Variants in MEGF8 observed in about 807,000 individuals in gnomAD.
MEGF8 encodes the protein multiple EGF like domains 8.
Under a neutral mutation model 302.9 loss-of-function variants are expected in MEGF8, and 156 were observed. The observed-to-expected ratio is 0.52, with a 90% CI of 0.45 to 0.59. The LOEUF (loss-of-function observed/expected upper bound fraction) is 0.59. Ranked by LOEUF, MEGF8 falls within the 20% of genes least tolerant of loss-of-function variation. MEGF8 has a pLI of 0.00. For missense variants in MEGF8, 3,345 were observed against 3,964.5 expected, an observed-to-expected ratio of 0.84 and a Z score of 4.20; for synonymous variants, 1,621 against 1,660.5, an observed-to-expected ratio of 0.98 and a Z score of 0.58.
In MEGF8 at chr19:42,325,788, G is replaced by A. The variant is rs1458847018; in HGVS notation, c.-456G>A. On this transcript the variant is annotated 5_prime_UTR_variant, in exon 1 of 42. Transcript: ENST00000251268. ...CCCCCGGCTGGAGGAGTCTCTCCTG[G>A]ACCATCCGAACCTAGCCTGTCCCGG... 1 of 158,402 alleles carries A rather than the reference G, an allele frequency of 6.3e-6. No homozygotes were observed. The allele number at this position is 158,402 out of a possible 1,614,324, so 9.8% of individuals were successfully genotyped here.
Position 42,369,806 on chromosome 19 carries a change from C to A in MEGF8, c.6834+83C>A. Reference sequence around the variant, plus strand: ...CATCCCACGCTCAGGCGGCTCGCATCTCATCCTGAGCCCTGATAAGCCAGG... The same window carrying A: ...CATCCCACGCTCAGGCGGCTCGCATATCATCCTGAGCCCTGATAAGCCAGG... On this transcript the variant is annotated intron_variant, in intron 38 of 41. Coordinates refer to ENST00000251268, the MANE Select transcript of MEGF8 (RefSeq NM_001271938.2). This position sits in a 1 kb window ranked among gnomAD's most constrained non-coding sequence, Gnocchi z 5.7. 7.1e-7 allele frequency: 1 copy of A among 1,412,794 alleles called. No individual in the cohort carries two copies. Among genetic ancestry groups the A allele is most frequent in the Non-Finnish European group, 9.5e-7 (1 of 1,049,076 alleles). The allele number at this position is 1,412,794 out of a possible 1,614,324, so 87.5% of individuals were successfully genotyped here.
chr19:42,357,724 C>A lies in MEGF8; in HGVS notation c.5011+140C>A. The A allele has an allele frequency of 1.2e-6, 1 of 802,702 alleles. No individual in the cohort carries two copies. Among genetic ancestry groups the A allele is most frequent in the Non-Finnish European group, 1.9e-6 (1 of 518,794 alleles). 49.7% of individuals were successfully genotyped at this position (802,702 alleles called of 1,614,324 possible). A position where few individuals can be genotyped will look rare whatever the true frequency, so the allele number is the denominator to read the frequency against. On this transcript the variant is annotated intron_variant, in intron 28 of 41. Transcript: ENST00000251268. The surrounding 1 kb of genome is among the most constrained non-coding windows in gnomAD (Gnocchi z 5.2). Reference sequence around the variant, plus strand: ...CATCCCCATGCAGATTCTCAGGGCACCCTCTTGAATGTTCAGATTTTCTGA... The same window carrying A: ...CATCCCCATGCAGATTCTCAGGGCAACCTCTTGAATGTTCAGATTTTCTGA...
intron 1 of MEGF8, among the ~76,000 whole-genome samples, chr19:42,328,567 A>AGTGTGTGTGT (rs113567438): frequency 4.1e-5 from 6 of 146,612 alleles, no homozygotes; most frequent in Non-Finnish European, 9.0e-5. Flanking sequence ...CAGAATAGGA[A>AGTGTGTGTGT]GTGTGTGTGT....
Position 42,356,071 on chromosome 19 carries a change from G to T in MEGF8, c.4393-12G>T, listed in dbSNP as rs759077919. 6.3e-7 allele frequency: 1 copy of T among 1,589,138 alleles called. No individual in the cohort carries two copies. Among genetic ancestry groups the T allele is most frequent in the South Asian group, 1.1e-5 (1 of 87,794 alleles). Reference sequence around the variant, plus strand: ...TGATCAGGGCTCCCCTGAGTCCCTTGTCATCCCCCAGAGCCTGGGTGTGTG... The same window carrying T: ...TGATCAGGGCTCCCCTGAGTCCCTTTTCATCCCCCAGAGCCTGGGTGTGTG... On this transcript the variant is annotated splice_polypyrimidine_tract_variant and intron_variant, in intron 24 of 41. Transcript: ENST00000251268. This position sits in a 1 kb window ranked among gnomAD's most constrained non-coding sequence, Gnocchi z 5.2.
Position 42,362,563 on chromosome 19 carries a change from C to A in MEGF8, c.6024C>A (p.Gly2008=). The A allele has an allele frequency of 6.2e-7, 1 of 1,612,470 alleles. No homozygotes were observed. Residue 2008 remains glycine (G), a synonymous_variant, in exon 34 of 42, where the codon GGC becomes GGA. Transcript: ENST00000251268. ...AADCEQCTRE[G]KCMWTRQFKR... is the part of the protein sequence containing the mutation. ...ACTGCGAGCAGTGCACGCGGGAGGG[C>A]AAGTGCATGTGGACGCGGCAGTTCA... is the stretch of plus-strand genomic sequence containing the variant.
In MEGF8 at chr19:42,354,442, A is replaced by G. The variant is rs1034890919; in HGVS notation, c.4012-146A>G. 3.5e-5 allele frequency: 33 copies of G among 948,406 alleles called. 1 individual carries two copies. In the Admixed American group the frequency reaches 3.9e-4, roughly 11 times the overall value. 58.7% of individuals were successfully genotyped at this position (948,406 alleles called of 1,614,324 possible). On this transcript the variant is annotated intron_variant, in intron 22 of 41. Transcript: ENST00000251268. The surrounding 1 kb of genome is among the most constrained non-coding windows in gnomAD (Gnocchi z 4.3). ...GGAAGGGGAGTGGTGGCCTTATGCC[A>G]TAGTTTGACAGTCTCCCCTGGATGT... is the stretch of plus-strand genomic sequence containing the variant.
Position 42,344,797 on chromosome 19 carries a change from C to CT in MEGF8, c.2064dup (p.Gln689SerfsTer10). 6.2e-7 allele frequency: 1 copy of CT among 1,604,850 alleles called. No homozygotes were observed. Among genetic ancestry groups the CT allele is most frequent in the Non-Finnish European group, 8.5e-7 (1 of 1,174,796 alleles). On this transcript the variant is annotated frameshift_variant, in exon 12 of 42. Transcript: ENST00000251268. LOFTEE classifies it high-confidence loss of function. This position sits in a 1 kb window ranked among gnomAD's most constrained non-coding sequence, Gnocchi z 4.5. Reference sequence around the variant, plus strand: ...TCCTGCCTGGCCTGCACTTGCTCACCTTTCAGCAGCCGCCCAATACCTCCC... The same window carrying CT: ...TCCTGCCTGGCCTGCACTTGCTCACCTTTTCAGCAGCCGCCCAATACCTCCC...
rs367745503 is a variant in MEGF8 at position 42,367,437 on chromosome 19, C to T, written c.6274-1018C>T. ...CTGCGTAGCTGGGACTACAGGCGCC[C>T]GCCACCACGCCTGGCTAATTTTTTC... On this transcript the variant is annotated intron_variant, in intron 35 of 41. Transcript: ENST00000251268. 3.2e-4 allele frequency among the ~76,000 whole-genome samples: 49 copies of T among 152,174 alleles called. 1 individual carries two copies. The highest frequency in any genetic ancestry group is 1.1e-3 in the African/African-American group (47 of 41,510).
chr19:42,346,649 C>T (rs769099075), intron 12 of MEGF8, among the ~76,000 whole-genome samples: 9 of 150,314 alleles, frequency 6.0e-5, no homozygotes, highest in African/African-American at 9.8e-5. Flanking sequence ...TGCATTGCAG[C>T]CTGGGCAACA....
Position 42,344,521 on chromosome 19 carries a change from C to A in MEGF8, c.1869C>A (p.Ala623=). 2 of 1,599,890 alleles carry A rather than the reference C, an allele frequency of 1.3e-6. No homozygotes were observed. Among genetic ancestry groups the A allele is most frequent in the Non-Finnish European group, 8.5e-7 (1 of 1,179,318 alleles). The change falls in exon 11 of 42, where the codon GCC becomes GCA. Residue 623 remains alanine (A), a synonymous_variant. Coordinates refer to ENST00000251268, the MANE Select transcript of MEGF8 (RefSeq NM_001271938.2). This position sits in a 1 kb window ranked among gnomAD's most constrained non-coding sequence, Gnocchi z 4.5. ...GCCTGGCCTTCAGCAGCCCCACAGC[C>A]CCTCCACGGGGACCTGGCACCCTGG... ...QACLAFSSPT[A]PPRGPGTLGW... is the part of the protein sequence containing the mutation.
rs928835341 is a variant in MEGF8 at position 42,377,073 on chromosome 19, C to A, written c.*298C>A. Reference sequence around the variant, plus strand: ...AGACAATCAGTGCACATGCACACACCCCACACGCATACACACATGAACACA... The same window carrying A: ...AGACAATCAGTGCACATGCACACACACCACACGCATACACACATGAACACA... On this transcript the variant is annotated 3_prime_UTR_variant, in exon 42 of 42. Transcript: ENST00000251268. The A allele has an allele frequency of 1.8e-5, 7 of 383,866 alleles. No homozygotes were observed. Among genetic ancestry groups the A allele is most frequent in the Non-Finnish European group, 3.2e-5 (7 of 215,978 alleles). 23.8% of individuals were successfully genotyped at this position (383,866 alleles called of 1,614,324 possible).
chr19:42,335,794 G>T, intron 5 of MEGF8, 137 bp from the exon 6 acceptor site: 3 of 761,100 alleles, frequency 3.9e-6, no homozygotes, highest in South Asian at 4.7e-5. Flanking sequence ...TCTCTCTGCC[G>T]GTCTCTGCCT....
Position 42,360,943 on chromosome 19 carries a change from G to A in MEGF8, c.5657G>A (p.Cys1886Tyr). ...PCRLLSSPEA[C>Y]NQSGACTWCH... ...CGCCTGCTGTCCTCACCTGAAGCTT[G>A]TAACCAGTCTGGGGCCTGCACCTGG... Residue 1886 changes from cysteine to tyrosine, a missense_variant, in exon 32 of 42, where the codon TGT becomes TAT. By Grantham distance (194) the Cys-to-Tyr change is radical. Coordinates refer to ENST00000251268, the MANE Select transcript of MEGF8 (RefSeq NM_001271938.2). 1 of 1,605,356 alleles carries A rather than the reference G, an allele frequency of 6.2e-7. No individual in the cohort carries two copies. The highest frequency in any genetic ancestry group is 8.5e-7 in the Non-Finnish European group (1 of 1,174,232).
At chr19:42,341,520 T>C (rs2147460083) in intron 8 of MEGF8, among the ~76,000 whole-genome samples, 1 of 152,140 alleles carries the variant, frequency 6.6e-6, no homozygotes, top group East Asian at 1.9e-4. Flanking sequence ...CAGAGTGGTC[T>C]TGAGCTCCTA....
At position 42,363,167 on chromosome 19, in the gene MEGF8, C is replaced by G. The variant is rs758275007; in HGVS notation, c.6178C>G (p.Pro2060Ala). The change falls in exon 35 of 42, where the codon CCT becomes GCT. Residue 2060 changes from proline to alanine, a missense_variant. Physicochemically the swap from Pro to Ala is conservative, Grantham distance 27 (BLOSUM62 -1). Coordinates refer to ENST00000251268, the MANE Select transcript of MEGF8 (RefSeq NM_001271938.2). ...ATCACCCCCACTGCCCTGCCCCACC[C>G]CTTGTCACCTCCTACCCAACTGTAC... ...ESSPPLPCPTPCHLLPNCTSC... is the reference protein window; with the variant it reads ...ESSPPLPCPTACHLLPNCTSC... 5.1e-5 allele frequency: 82 copies of G among 1,612,314 alleles called. No homozygotes were observed. Among genetic ancestry groups the G allele is most frequent in the Non-Finnish European group, 6.7e-5 (79 of 1,179,296 alleles).
chr19:42,352,467 C>CG lies in MEGF8; in HGVS notation c.3350+16dup, dbSNP rs753283701. The CG allele has an allele frequency of 1.9e-6, 3 of 1,576,658 alleles. No individual in the cohort carries two copies. In the African/African-American group the frequency reaches 4.0e-5, roughly 21 times the overall value. ...ACACTGCAACCGCACGTGAGTGAGGCGGGGGTTGCTATGGAGATGTTGCCC... is the reference window on the plus strand; with the variant it reads ...ACACTGCAACCGCACGTGAGTGAGGCGGGGGGTTGCTATGGAGATGTTGCCC... On this transcript the variant is annotated intron_variant, in intron 19 of 41. Coordinates refer to ENST00000251268, the MANE Select transcript of MEGF8 (RefSeq NM_001271938.2). The surrounding 1 kb of genome is among the most constrained non-coding windows in gnomAD (Gnocchi z 4.4).
In MEGF8 at chr19:42,352,955, G is replaced by A. The variant is rs780556649; in HGVS notation, c.3378G>A (p.Val1126=). 33 of 1,601,466 alleles carry A rather than the reference G, an allele frequency of 2.1e-5. No homozygotes were observed. In the Admixed American group the frequency reaches 5.6e-4, roughly 27 times the overall value. Residue 1126 remains valine, a synonymous_variant, in exon 20 of 42, where the codon GTG becomes GTA. Coordinates refer to ENST00000251268, the MANE Select transcript of MEGF8 (RefSeq NM_001271938.2). The surrounding 1 kb of genome is among the most constrained non-coding windows in gnomAD (Gnocchi z 4.4). ...RTCLEDCGHG[V]CSGPPDFTCV... The stretch of plus-strand genomic sequence containing the variant: ...GCTTGGAGGACTGTGGCCATGGTGT[G>A]TGCAGTGGCCCCCCGGACTTTACCT...
chr19:42,368,590 G>A lies in MEGF8; in HGVS notation c.6409G>A (p.Gly2137Ser), dbSNP rs984170779. ...CALCLRRPHC[G>S]WCAWGGQDGG... ...CTTGTGCCTGCGGCGCCCCCATTGC[G>A]GCTGGTGTGCCTGGGGGGGCCAGGA... is the stretch of plus-strand genomic sequence containing the variant. The change falls in exon 36 of 42, where the codon GGC becomes AGC. Residue 2137 changes from glycine (G) to serine (S), a missense_variant. Gly to Ser is a moderately conservative substitution (Grantham distance 56, BLOSUM62 0). Coordinates refer to ENST00000251268, the MANE Select transcript of MEGF8 (RefSeq NM_001271938.2). This position sits in a 1 kb window ranked among gnomAD's most constrained non-coding sequence, Gnocchi z 4.9. 2.3e-5 allele frequency: 37 copies of A among 1,578,220 alleles called. No individual in the cohort carries two copies. Among genetic ancestry groups the A allele is most frequent in the Non-Finnish European group, 2.9e-5 (34 of 1,162,872 alleles).
At position 42,375,380 on chromosome 19, in the gene MEGF8, C is replaced by A; in HGVS notation, c.7270-127C>A. ...GGGGGTCACAGGGAAGTGACTGGGG[C>A]AGTGGGGGTGAGGCCCAGGGCAATG... On this transcript the variant is annotated intron_variant, in intron 41 of 41. Coordinates refer to ENST00000251268, the MANE Select transcript of MEGF8 (RefSeq NM_001271938.2). This position sits in a 1 kb window ranked among gnomAD's most constrained non-coding sequence, Gnocchi z 7.1. 2.1e-6 allele frequency: 2 copies of A among 962,702 alleles called. No homozygotes were observed. Among genetic ancestry groups the A allele is most frequent in the Non-Finnish European group, 3.0e-6 (2 of 665,844 alleles). The allele number at this position is 962,702 out of a possible 1,614,324, so 59.6% of individuals were successfully genotyped here. A position where few individuals can be genotyped will look rare whatever the true frequency, so the allele number is the denominator to read the frequency against.
Sources: gnomAD v4.1 joint callset for allele counts (sites outside exome capture counted in the v4.1 genomes callset) on GRCh38, gnomAD v4.1.1 for gene constraint, Gnocchi (gnomAD v3.1) non-coding constraint, MANE v1.5 for transcripts, NCBI Gene and HGNC (gene_info 2026-07-23, HGNC 2026-07-21) for gene names.